DACH2: variants seen among roughly 807,000 people sequenced by gnomAD.
The protein encoded by DACH2 is dachshund family transcription factor 2, also known as dachshund homolog 2.
DACH2 carries 17 observed loss-of-function variants against 35.8 expected under a neutral mutation model. The observed-to-expected ratio is 0.48, with a 90% CI of 0.33 to 0.71. The LOEUF (loss-of-function observed/expected upper bound fraction) is 0.71. Among genes scored for constraint, DACH2 ranks in the 30% least tolerant of loss-of-function variants. The pLI is 0.02. For missense variants in DACH2, 469 were observed against 472.7 expected, an observed-to-expected ratio of 0.99 and a Z score of 0.07; for synonymous variants, 195 against 177.3, an observed-to-expected ratio of 1.10 and a Z score of -0.79.
At chrX:86,639,440 G>A (rs1422934318) in intron 3 of DACH2, among the ~76,000 whole-genome samples, 1 of 111,558 alleles carries the variant, frequency 9.0e-6, no homozygotes, top group Non-Finnish European at 1.9e-5. Context: ...GGCATGTGTT[G>A]GAGACCCTGG....
At chrX:86,805,795 C>T (rs779938220) in intron 7 of DACH2, among the ~76,000 whole-genome samples, 2 of 112,173 alleles carry the variant, frequency 1.8e-5, no homozygotes, top group South Asian at 7.4e-4. Flanking sequence ...AGAGCAGGCA[C>T]ACAATGCAGC....
rs1169187191 is a variant in DACH2 at position 86,832,462 on chromosome X, T to TA, written c.*313dup. 1.7e-5 allele frequency: 4 copies of TA among 240,695 alleles called. No individual in the cohort carries two copies. Among genetic ancestry groups the TA allele is most frequent in the East Asian group, 9.0e-5 (1 of 11,170 alleles). 19.8% of individuals were successfully genotyped at this position (240,695 alleles called of 1,213,427 possible). Reference sequence around the variant, plus strand: ...CTTGGCTTTTTGTCTTTTAAATTTTTAAAAAATGCAGTAGTGTGTTAGAGA... The same window carrying TA: ...CTTGGCTTTTTGTCTTTTAAATTTTTAAAAAAATGCAGTAGTGTGTTAGAGA... On this transcript the variant is annotated 3_prime_UTR_variant, in exon 12 of 12. Transcript: ENST00000373125.
chrX:86,514,220 G>A, intron 2 of DACH2, 59 bp from the exon 3 acceptor site: 2 of 1,013,616 alleles, frequency 2.0e-6, no homozygotes, highest in Non-Finnish European at 2.7e-6. Flanking sequence ...TGCAAGTGAT[G>A]GTTTTCTCAA....
In DACH2 at chrX:86,826,829, G is replaced by A. The variant is rs367599853; in HGVS notation, c.1751-5277G>A. Among the ~76,000 whole-genome samples the A allele has an allele frequency of 8.9e-5, 10 of 112,327 alleles. No homozygotes were observed. The South Asian group carries it at 3.3e-3, about 37-fold the overall frequency. On this transcript the variant is annotated intron_variant, in intron 11 of 11. Transcript: ENST00000373125. Reference sequence around the variant, plus strand: ...TTTATCTCTTTCTTATTCAGGTTAGGAAAACATGACCTTCAAGAGATTATC... The same window carrying A: ...TTTATCTCTTTCTTATTCAGGTTAGAAAAACATGACCTTCAAGAGATTATC...
chrX:86,291,005 T>G (rs772859463), intron 1 of DACH2, among the ~76,000 whole-genome samples: 96 of 107,285 alleles, frequency 8.9e-4, no homozygotes, highest in Non-Finnish European at 1.2e-3. Context: ...ATCTGTAAAT[T>G]ACCTTGGGCA....
intron 3 of DACH2, among the ~76,000 whole-genome samples, chrX:86,539,915 C>T (rs2038857869): frequency 9.0e-6 from 1 of 111,061 alleles, no homozygotes; most frequent in Non-Finnish European, 1.9e-5. Context: ...CATGAAGATT[C>T]TATATTACAA....
intron 1 of DACH2, among the ~76,000 whole-genome samples, chrX:86,165,244 G>A (rs113715959): frequency 0.013 from 1,450 of 111,249 alleles, 27 homozygotes; most frequent in African/African-American, 0.044. Context: ...TGGAACTTAC[G>A]TTGCTTCCAA....
At chrX:86,430,213 A>T (rs2036963587) in intron 2 of DACH2, among the ~76,000 whole-genome samples, 1 of 112,154 alleles carries the variant, frequency 8.9e-6, no homozygotes, top group South Asian at 3.7e-4. Flanking sequence ...GAAGCTTTAA[A>T]CCTGAGGTAT....
chrX:86,368,797 G>A (rs950845254), intron 1 of DACH2, among the ~76,000 whole-genome samples: 1 of 110,428 alleles, frequency 9.1e-6, no homozygotes, highest in Non-Finnish European at 1.9e-5. Context: ...TCCTGGTCTC[G>A]AGGGATTACG....
chrX:86,332,282 A>G (rs1346927712), intron 1 of DACH2, among the ~76,000 whole-genome samples: 1 of 111,620 alleles, frequency 9.0e-6, no homozygotes, highest in Non-Finnish European at 1.9e-5. Context: ...CTTCAATAAC[A>G]GTGTTGCCCA....
chrX:86,770,115 A>G (rs2041974477), intron 7 of DACH2, among the ~76,000 whole-genome samples: 1 of 111,704 alleles, frequency 9.0e-6, no homozygotes, highest in Admixed American at 9.6e-5. Context: ...TGAAGTCACC[A>G]GAAATTTTAA....
At chrX:86,626,393 G>C (rs1047617281) in intron 3 of DACH2, among the ~76,000 whole-genome samples, 2 of 112,659 alleles carry the variant, frequency 1.8e-5, no homozygotes, top group African/African-American at 6.4e-5. Context: ...GGCTGGTGTT[G>C]AGTGTCTGTG....
chrX:86,256,333 T>C (rs2033518103), intron 1 of DACH2, among the ~76,000 whole-genome samples: 1 of 111,471 alleles, frequency 9.0e-6, no homozygotes. Flanking sequence ...AAAGCATGAC[T>C]TTCTTCTGAA....
At chrX:86,184,210 T>C in intron 1 of DACH2, 1 of 167,004 alleles carries the variant, frequency 6.0e-6, no homozygotes, top group Non-Finnish European at 1.1e-5. Flanking sequence ...TCTAGTCTTC[T>C]GATTTTTTTT....
intron 5 of DACH2, among the ~76,000 whole-genome samples, chrX:86,705,930 A>T (rs2041211291): frequency 8.9e-6 from 1 of 112,165 alleles, no homozygotes; most frequent in Non-Finnish European, 1.9e-5. Flanking sequence ...GAATAAATTA[A>T]TATCTTTTGC....
intron 1 of DACH2, among the ~76,000 whole-genome samples, chrX:86,205,486 T>C (rs867927039): frequency 9.6e-4 from 45 of 47,016 alleles, no homozygotes; most frequent in African/African-American, 4.8e-3. Context: ...CCTTCCCTCC[T>C]TCCCTCCTTC....
intron 1 of DACH2, among the ~76,000 whole-genome samples, chrX:86,175,925 T>TA (rs779056896): frequency 1.6e-3 from 183 of 111,367 alleles, no homozygotes; most frequent in African/African-American, 5.0e-3. Context: ...AGTAAATTAT[T>TA]AAAAAAACTT....
chrX:86,600,947 T>C (rs1208360568), intron 3 of DACH2, among the ~76,000 whole-genome samples: 1 of 111,576 alleles, frequency 9.0e-6, no homozygotes, highest in African/African-American at 3.3e-5. Flanking sequence ...CTTTATGCCA[T>C]AGCTCCTGTG....
intron 3 of DACH2, among the ~76,000 whole-genome samples, chrX:86,591,972 A>G (rs897431787): frequency 3.6e-5 from 4 of 111,456 alleles, no homozygotes; most frequent in Non-Finnish European, 7.5e-5. Context: ...TTGTCTTTCC[A>G]TTCTTGTAAT....
Sources: gnomAD v4.1 joint callset for allele counts (sites outside exome capture counted in the v4.1 genomes callset) on GRCh38, gnomAD v4.1.1 for gene constraint, MANE v1.5 for transcripts, NCBI Gene and HGNC (gene_info 2026-07-23, HGNC 2026-07-21) for gene names.